DOCK4: variants seen among roughly 807,000 people sequenced by gnomAD.
The protein encoded by DOCK4 is dedicator of cytokinesis 4, also known as dedicator of cytokinesis protein 4.
Under a neutral mutation model 268.1 loss-of-function variants are expected in DOCK4, and 97 were observed. The observed-to-expected ratio is 0.36, with a 90% CI of 0.31 to 0.43. The LOEUF (loss-of-function observed/expected upper bound fraction) is 0.43, where lower values mean the gene tolerates loss of function less well. Among genes scored for constraint, DOCK4 ranks in the 20% least tolerant of loss-of-function variants. The pLI is 1.00. For missense variants in DOCK4, 2,145 were observed against 2,455.7 expected, an observed-to-expected ratio of 0.87 and a Z score of 2.67; for synonymous variants, 954 against 887.2, an observed-to-expected ratio of 1.08 and a Z score of -1.34.
At chr7:111,834,768 T>C in intron 25 of DOCK4, 82 bp from the exon 26 acceptor site, 1 of 877,392 alleles carries the variant, frequency 1.1e-6, no homozygotes, top group Non-Finnish European at 1.7e-6. Flanking sequence ...TGAACTGTCC[T>C]CAAAGAGAAT....
chr7:112,100,503 C>G (rs259306), intron 1 of DOCK4, among the ~76,000 whole-genome samples: 91,940 of 152,182 alleles, frequency 0.6, 28,042 homozygotes, highest in African/African-American at 0.65. Flanking sequence ...CTGCTAGAGA[C>G]CTGTTCCTTT....
Position 112,043,818 on chromosome 7 carries a change from C to A in DOCK4, c.38-39687G>T, listed in dbSNP as rs1277522437. ...TTGTAATGAAAGCTCATGGCTTCCA[C>A]TCTGAAATAAGAATCTTAAAGAGGA... On this transcript the variant is annotated intron_variant, in intron 1 of 52. Coordinates refer to ENST00000428084, the MANE Select transcript of DOCK4 (RefSeq NM_001363540.2). 1.3e-5 allele frequency among the ~76,000 whole-genome samples: 2 copies of A among 151,928 alleles called. 1 individual carries two copies. Among genetic ancestry groups the A allele is most frequent in the African/African-American group, 4.8e-5 (2 of 41,376 alleles).
chr7:112,073,978 C>T (rs775618972), intron 1 of DOCK4, among the ~76,000 whole-genome samples: 23 of 151,978 alleles, frequency 1.5e-4, no homozygotes, highest in Non-Finnish European at 2.2e-4. Flanking sequence ...AATCTATACA[C>T]GAATCAAAAT....
At chr7:111,939,980 T>A in intron 11 of DOCK4, 130 bp downstream of exon 11, 2 of 898,482 alleles carry the variant, frequency 2.2e-6, no homozygotes, top group South Asian at 3.3e-5. Context: ...TACAGATTAC[T>A]GGGTTTTTGA....
At chr7:112,136,960 T>C (rs1012007864) in intron 1 of DOCK4, among the ~76,000 whole-genome samples, 3 of 152,176 alleles carry the variant, frequency 2.0e-5, no homozygotes, top group East Asian at 3.9e-4. Flanking sequence ...GTGGGGAAGA[T>C]GGGTTGGGTG....
At chr7:112,093,594 G>A (rs1044064912) in intron 1 of DOCK4, among the ~76,000 whole-genome samples, 4 of 151,996 alleles carry the variant, frequency 2.6e-5, no homozygotes, top group African/African-American at 4.8e-5. Flanking sequence ...GCTCATAGTC[G>A]GCAAAAGTAT....
chr7:111,923,365 C>T (rs1793321063), intron 12 of DOCK4, among the ~76,000 whole-genome samples: 1 of 152,142 alleles, frequency 6.6e-6, no homozygotes, highest in Admixed American at 6.5e-5. Flanking sequence ...GCCATTTGCT[C>T]CCAGCAGTTT....
chr7:111,817,217 T>C (rs987396826), intron 27 of DOCK4, among the ~76,000 whole-genome samples: 4 of 152,232 alleles, frequency 2.6e-5, no homozygotes, highest in African/African-American at 9.7e-5. Context: ...TTTGGCACAT[T>C]CAGCATAGTA....
intron 27 of DOCK4, among the ~76,000 whole-genome samples, chr7:111,818,206 G>A (rs749634431): frequency 3.9e-5 from 6 of 152,124 alleles, no homozygotes; most frequent in Non-Finnish European, 8.8e-5. Flanking sequence ...TTCTTCCTCA[G>A]TGCTCTTGTT....
chr7:111,835,887 C>G (rs1275528405), intron 25 of DOCK4, among the ~76,000 whole-genome samples: 1 of 152,140 alleles, frequency 6.6e-6, no homozygotes, highest in African/African-American at 2.4e-5. Context: ...CAGGCTAGAT[C>G]TCTGTTTGCA....
chr7:112,064,440 G>C (rs1282697220), intron 1 of DOCK4, among the ~76,000 whole-genome samples: 1 of 152,168 alleles, frequency 6.6e-6, no homozygotes, highest in Non-Finnish European at 1.5e-5. Context: ...AGCCAGGGGA[G>C]CAAAAAATTT....
intron 22 of DOCK4, among the ~76,000 whole-genome samples, chr7:111,866,984 C>G (rs1033402133): frequency 3.3e-5 from 5 of 152,116 alleles, no homozygotes; most frequent in Non-Finnish European, 1.5e-5. Context: ...TGGCAAGTTC[C>G]CATAGTGCAG....
chr7:111,838,507 TA>T (rs1241682317), intron 25 of DOCK4, among the ~76,000 whole-genome samples: 2 of 152,128 alleles, frequency 1.3e-5, no homozygotes, highest in Non-Finnish European at 2.9e-5. Flanking sequence ...TACAAAAGAA[TA>T]AGGATGAAAC....
At chr7:112,194,101 A>G (rs1159329622) in intron 1 of DOCK4, among the ~76,000 whole-genome samples, 4 of 152,174 alleles carry the variant, frequency 2.6e-5, no homozygotes. Flanking sequence ...ATGAATTTTG[A>G]AGGAATACAA....
chr7:112,121,865 G>C lies in DOCK4; in HGVS notation c.37+84237C>G, dbSNP rs536122015. ...ACCTTCCTGGTGCAAAATTATATCT[G>C]ATCTCTTATTAAACACAGATGATAC... On this transcript the variant is annotated intron_variant, in intron 1 of 52. Transcript: ENST00000428084. Among the ~76,000 whole-genome samples, 185 of 152,140 alleles carry C rather than the reference G, an allele frequency of 1.2e-3. 1 individual carries two copies. Among genetic ancestry groups the C allele is most frequent in the African/African-American group, 4.2e-3 (176 of 41,506 alleles).
At chr7:111,804,335 A>T (rs1157924152) in intron 30 of DOCK4, among the ~76,000 whole-genome samples, 5 of 152,244 alleles carry the variant, frequency 3.3e-5, no homozygotes, top group African/African-American at 1.2e-4. Flanking sequence ...AGCCAGTTAC[A>T]AAAAGATAAA....
At chr7:111,863,269 G>A (rs1360896620) in intron 23 of DOCK4, 103 bp downstream of exon 23, 2 of 1,207,886 alleles carry the variant, frequency 1.7e-6, no homozygotes, top group Admixed American at 3.9e-5. Context: ...TTGAGAAAAT[G>A]CCTTTTAGTG....
intron 28 of DOCK4, among the ~76,000 whole-genome samples, 197 bp downstream of exon 28, chr7:111,811,677 C>G (rs1048854425): frequency 2.0e-5 from 3 of 152,056 alleles, no homozygotes; most frequent in African/African-American, 7.2e-5. Flanking sequence ...CAATAAAAAA[C>G]TATCTCCTTT....
At chr7:112,048,197 A>G (rs1251308104) in intron 1 of DOCK4, among the ~76,000 whole-genome samples, 2 of 152,062 alleles carry the variant, frequency 1.3e-5, no homozygotes, top group Non-Finnish European at 2.9e-5. Flanking sequence ...AAACATGAAG[A>G]AAACTATACA....
Sources: allele counts gnomAD v4.1 joint callset (sites outside exome capture counted in the v4.1 genomes callset), GRCh38; gene constraint gnomAD v4.1.1; transcripts MANE v1.5; gene names NCBI Gene and HGNC (gene_info 2026-07-23, HGNC 2026-07-21).